Variants in ADGRG6 observed in about 807,000 individuals in gnomAD.
ADGRG6 encodes the protein G-protein coupled receptor 126.
Under a neutral mutation model 142.4 loss-of-function variants are expected in ADGRG6, and 84 were observed. The observed-to-expected ratio is 0.59, with a 90% confidence interval of 0.49 to 0.71. The LOEUF is 0.71. ADGRG6 is among the 30% of genes least tolerant of loss of function. The pLI, the probability that ADGRG6 is intolerant of heterozygous loss-of-function variation, is 0.00. For synonymous variants in ADGRG6, 521 were observed against 520.5 expected (o/e 1.00, Z -0.01); for missense variants, 1,367 against 1,466.6 (o/e 0.93, Z 1.11).
rs9321864 is a variant in ADGRG6 at position 142,324,274 on chromosome 6, A to G, written c.103+14630A>G. ...AAGTGTAATTTGCATAGGAAATTAC[A>G]CTTAAAGCTCTTAGGAGAGCTTTCA... On this transcript the variant is annotated intron_variant, in intron 2 of 24. Coordinates refer to ENST00000367609, the MANE Select transcript of ADGRG6 (RefSeq NM_198569.3). Among the ~76,000 whole-genome samples the G allele has an allele frequency of 4.9e-3, 747 of 152,240 alleles. 9 individuals carry two copies. The highest frequency in any genetic ancestry group is 0.017 in the African/African-American group (708 of 41,550).
chr6:142,440,095 A>G (rs953830253), intron 24 of ADGRG6, among the ~76,000 whole-genome samples: 2 of 152,326 alleles, frequency 1.3e-5, no homozygotes, highest in Admixed American at 1.3e-4. Flanking sequence ...AAAAGAGGAA[A>G]GAAGATAACA....
chr6:142,440,949 C>G, intron 24 of ADGRG6: 1 of 1,485,272 alleles, frequency 6.7e-7, no homozygotes, highest in Middle Eastern at 1.8e-4. Flanking sequence ...AAGTGGATCA[C>G]TCAGGTAAAC....
At chr6:142,320,718 C>T (rs1469936907) in intron 2 of ADGRG6, among the ~76,000 whole-genome samples, 1 of 152,002 alleles carries the variant, frequency 6.6e-6, no homozygotes, top group African/African-American at 2.4e-5. Context: ...TTTCTGGTTT[C>T]ATAGCCCAGA....
intron 2 of ADGRG6, among the ~76,000 whole-genome samples, chr6:142,317,273 T>C (rs1453142411): frequency 1.3e-5 from 2 of 152,110 alleles, no homozygotes; most frequent in Non-Finnish European, 2.9e-5. Flanking sequence ...AAGAAAGTTC[T>C]CTTTGAATTT....
chr6:142,442,327 T>G (rs1013493851), intron 24 of ADGRG6, among the ~76,000 whole-genome samples: 2 of 152,128 alleles, frequency 1.3e-5, no homozygotes, highest in African/African-American at 2.4e-5. Flanking sequence ...AATTTGAGGG[T>G]AGAATTTTTT....
chr6:142,367,708 A>G lies in ADGRG6; in HGVS notation c.243A>G (p.Ile81Met). 6.2e-7 allele frequency: 1 copy of G among 1,613,938 alleles called. No individual in the cohort carries two copies. The stretch of plus-strand genomic sequence containing the variant: ...CCCCCACCGGTTATATCATTCAGAT[A>G]ACATTTAACGACTTTGACATTGAAG... The part of the protein sequence containing the change: ...LRAPTGYIIQ[I>M]TFNDFDIEEA... The change falls in exon 3 of 25, where the codon ATA (isoleucine) becomes ATG (methionine). Residue 81 changes from isoleucine to methionine, a missense_variant. Physicochemically the swap from Ile to Met is conservative, Grantham distance 10. Transcript: ENST00000367609.
At chr6:142,427,198 C>G (rs1209387418) in intron 22 of ADGRG6, among the ~76,000 whole-genome samples, 1 of 152,150 alleles carries the variant, frequency 6.6e-6, no homozygotes, top group Non-Finnish European at 1.5e-5. Flanking sequence ...CTTTAATGCT[C>G]TGTTTCCCTT....
chr6:142,379,549 C>T (rs911921450), intron 4 of ADGRG6, among the ~76,000 whole-genome samples: 5 of 152,210 alleles, frequency 3.3e-5, no homozygotes, highest in South Asian at 2.1e-4. Flanking sequence ...GGGCGGATCA[C>T]GAGGTCAGGA....
chr6:142,371,082 A>AT (rs112560170), intron 4 of ADGRG6: 13 of 338,066 alleles, frequency 3.8e-5, no homozygotes, highest in African/African-American at 2.3e-4. Flanking sequence ...TTTATCACGA[A>AT]TATAACAATA....
chr6:142,396,599 A>G (rs889630704), intron 9 of ADGRG6, among the ~76,000 whole-genome samples: 1 of 152,118 alleles, frequency 6.6e-6, no homozygotes, highest in Non-Finnish European at 1.5e-5. Flanking sequence ...CCTCTCCACT[A>G]GACATTCCAT....
intron 2 of ADGRG6, among the ~76,000 whole-genome samples, chr6:142,319,373 G>A (rs1343452943): frequency 1.3e-5 from 2 of 152,076 alleles, no homozygotes; most frequent in Non-Finnish European, 2.9e-5. Context: ...AAAGTAAATC[G>A]GACAAAAATC....
At position 142,392,995 on chromosome 6, in the gene ADGRG6, T is replaced by C. The variant is rs772959413; in HGVS notation, c.1356T>C (p.Asn452=). 8 of 1,514,398 alleles carry C rather than the reference T, an allele frequency of 5.3e-6. No homozygotes were observed. The East Asian group carries it at 1.6e-4, about 30-fold the overall frequency. The allele number at this position is 1,514,398 out of a possible 1,614,324, so 93.8% of individuals were successfully genotyped here. Residue 452 remains asparagine (N), a synonymous_variant, in exon 8 of 25, where the codon AAT becomes AAC. Transcript: ENST00000367609. ...GGAACTACACGGTTTATGTCGTTAA[T>C]ATCAGGTAAGACAGAATAAATTATT... The part of the protein sequence containing the change: ...QNWNYTVYVV[N]ISFHLSAGED...
chr6:142,418,253 G>C (rs1776468901), intron 21 of ADGRG6, among the ~76,000 whole-genome samples: 1 of 145,046 alleles, frequency 6.9e-6, no homozygotes, highest in Non-Finnish European at 1.5e-5. Context: ...AGCCAAGATT[G>C]CACCATGAAC....
chr6:142,318,770 T>C (rs1278158604), intron 2 of ADGRG6, among the ~76,000 whole-genome samples: 4 of 151,954 alleles, frequency 2.6e-5, no homozygotes, highest in African/African-American at 7.2e-5. Flanking sequence ...ATAAATGGCT[T>C]TGTAGAAGCA....
intron 2 of ADGRG6, among the ~76,000 whole-genome samples, chr6:142,359,997 C>T (rs1252917127): frequency 2.6e-5 from 4 of 152,062 alleles, no homozygotes; most frequent in South Asian, 4.2e-4. Flanking sequence ...AACTTTTATC[C>T]AAGAGAGAAA....
chr6:142,369,554 G>A (rs1167121222), intron 3 of ADGRG6, among the ~76,000 whole-genome samples: 1 of 152,086 alleles, frequency 6.6e-6, no homozygotes, highest in African/African-American at 2.4e-5. Context: ...TGGCTTATAT[G>A]CCTGGATACC....
chr6:142,309,987 C>T (rs1562299761), intron 2 of ADGRG6, among the ~76,000 whole-genome samples: 1 of 151,780 alleles, frequency 6.6e-6, no homozygotes, highest in East Asian at 1.9e-4. Flanking sequence ...AATAAATATA[C>T]AGTACTTCTC....
intron 6 of ADGRG6, among the ~76,000 whole-genome samples, chr6:142,389,413 C>T (rs1158258079): frequency 6.6e-6 from 1 of 151,848 alleles, no homozygotes; most frequent in Non-Finnish European, 1.5e-5. Flanking sequence ...ATTTTCTTCT[C>T]TCTGTATCTT....
In ADGRG6 at chr6:142,414,999, G is replaced by T; in HGVS notation, c.2572G>T (p.Ala858Ser). 3 of 1,611,560 alleles carry T rather than the reference G, an allele frequency of 1.9e-6. No homozygotes were observed. The highest frequency in any genetic ancestry group is 2.5e-6 in the Non-Finnish European group (3 of 1,178,670). ...TCCAAGAAGTGCCTCACAGTTAGAT[G>T]CAAGAAACACTAAAGTCCTCACTTT... Reference protein sequence around the residue: ...DLPRSASQLDARNTKVLTFIS... With the variant: ...DLPRSASQLDSRNTKVLTFIS... Residue 858 changes from alanine (A) to serine (S), a missense_variant, in exon 19 of 25, where the codon GCA becomes TCA. By Grantham distance (99) the Ala-to-Ser change is moderately conservative (BLOSUM62 1). Around this residue, in one of 3 missense-constraint regions of ADGRG6, gnomAD observed 286 missense variants for 371.4 expected, o/e 0.77. Transcript: ENST00000367609.
Sources: allele counts gnomAD v4.1 joint callset (sites outside exome capture counted in the v4.1 genomes callset), GRCh38; gene constraint gnomAD v4.1.1; regional missense constraint gnomAD v4.1.1; transcripts MANE v1.5; gene names NCBI Gene and HGNC (gene_info 2026-07-23, HGNC 2026-07-21).